ITPR1: variants seen among roughly 807,000 people sequenced by gnomAD.
ITPR1 encodes the protein inositol 1,4,5-trisphosphate-gated calcium channel ITPR1.
Under a neutral mutation model 318.4 loss-of-function variants are expected in ITPR1, and 96 were observed. The observed-to-expected ratio is 0.30, with a 90% CI of 0.26 to 0.36. ITPR1 has a LOEUF of 0.36. ITPR1 is among the 10% of genes least tolerant of loss of function. The probability of loss-of-function intolerance (pLI) is 1.00; values close to 1 mark genes in which losing one functional copy is unlikely to be tolerated. For missense variants in ITPR1, 2,440 were observed against 3,460.2 expected (o/e 0.71, Z 7.40); for synonymous variants, 1,312 against 1,289.9 (o/e 1.02, Z -0.37).
intron 4 of ITPR1, among the ~76,000 whole-genome samples, chr3:4,621,339 G>T (rs1256861385): frequency 1.3e-5 from 2 of 152,048 alleles, no homozygotes; most frequent in Non-Finnish European, 2.9e-5. Context: ...ATCAAGGTGG[G>T]AGGTGCCACA....
intron 4 of ITPR1, among the ~76,000 whole-genome samples, chr3:4,558,969 T>A (rs1333580966): frequency 1.3e-5 from 2 of 152,236 alleles, no homozygotes; most frequent in East Asian, 3.9e-4. Context: ...AAACTAACAA[T>A]TCCTTATTAC....
At chr3:4,585,722 C>T (rs1174449296) in intron 4 of ITPR1, among the ~76,000 whole-genome samples, 1 of 152,146 alleles carries the variant, frequency 6.6e-6, no homozygotes, top group East Asian at 1.9e-4. Flanking sequence ...CAGGCATGAG[C>T]CACCGCACCC....
At chr3:4,501,356 T>C (rs1272492103) in intron 2 of ITPR1, among the ~76,000 whole-genome samples, 1 of 152,232 alleles carries the variant, frequency 6.6e-6, no homozygotes, top group Non-Finnish European at 1.5e-5. Context: ...TACTACATCT[T>C]TGCCACTCCA....
At chr3:4,806,345 C>A in intron 55 of ITPR1, 78 bp downstream of exon 55, 1 of 1,378,850 alleles carries the variant, frequency 7.3e-7, no homozygotes, top group South Asian at 1.2e-5. Flanking sequence ...CATCACAGAC[C>A]CTTCCTTTTA....
At chr3:4,614,791 AG>A (rs1381511222) in intron 4 of ITPR1, among the ~76,000 whole-genome samples, 1 of 152,184 alleles carries the variant, frequency 6.6e-6, no homozygotes, top group African/African-American at 2.4e-5. Context: ...TCACCCAGGG[AG>A]GGGAGGAAAC....
intron 1 of ITPR1, among the ~76,000 whole-genome samples, chr3:4,494,022 C>T (rs1487541972): frequency 6.6e-6 from 1 of 152,020 alleles, no homozygotes; most frequent in Non-Finnish European, 1.5e-5. Flanking sequence ...AGGGGCCCCC[C>T]GTGGGGAGGG....
chr3:4,514,141 T>G (rs2082026052), intron 2 of ITPR1, among the ~76,000 whole-genome samples: 1 of 151,844 alleles, frequency 6.6e-6, no homozygotes, highest in African/African-American at 2.4e-5. Context: ...GTCCTCCTGC[T>G]TACTAATTTT....
chr3:4,680,660 C>T lies in ITPR1; in HGVS notation c.3075C>T (p.Asn1025=). The change falls in exon 25 of 62, where the codon AAC becomes AAT. Residue 1025 remains asparagine, a synonymous_variant. Coordinates refer to ENST00000649015, the MANE Select transcript of ITPR1 (RefSeq NM_001378452.1). ...AGACTTCAGAAACATCCTCCGGAAA[C>T]AGCAGCCAAGAAGGGCCAAGTAATG... The part of the protein sequence containing the change: ...NSQTSETSSG[N]SSQEGPSNVP... 6.2e-7 allele frequency: 1 copy of T among 1,613,520 alleles called. No homozygotes were observed. The highest frequency in any genetic ancestry group is 8.5e-7 in the Non-Finnish European group (1 of 1,179,622).
intron 55 of ITPR1, among the ~76,000 whole-genome samples, chr3:4,807,530 G>A (rs1159481651): frequency 4.6e-5 from 7 of 152,134 alleles, no homozygotes; most frequent in Non-Finnish European, 1.0e-4. Flanking sequence ...TCTTAGAATA[G>A]CACTGCCGAA....
At chr3:4,563,806 A>C (rs2086928471) in intron 4 of ITPR1, among the ~76,000 whole-genome samples, 1 of 152,158 alleles carries the variant, frequency 6.6e-6, no homozygotes, top group Non-Finnish European at 1.5e-5. Context: ...TTGTTTATTA[A>C]ACAAAACTAA....
chr3:4,812,497 A>C (rs898131179), intron 56 of ITPR1, among the ~76,000 whole-genome samples: 4 of 152,148 alleles, frequency 2.6e-5, no homozygotes, highest in African/African-American at 9.7e-5. Context: ...AACAGAAGAG[A>C]TTTCCAATTC....
Position 4,795,110 on chromosome 3 carries a change from G to A in ITPR1, c.6854G>A (p.Ser2285Asn), listed in dbSNP as rs1157145936. The part of the protein sequence containing the change: ...YWCARNMSFW[S>N]SISFNLAVLM... Reference sequence around the variant, plus strand: ...TGTGCCCGCAACATGTCTTTCTGGAGCAGCATTTCGTTTAACCTGGCCGTC... The same window carrying A: ...TGTGCCCGCAACATGTCTTTCTGGAACAGCATTTCGTTTAACCTGGCCGTC... The change falls in exon 53 of 62, where the codon AGC becomes AAC. Residue 2285 changes from serine to asparagine, a missense_variant. By Grantham distance (46) the Ser-to-Asn change is conservative. This residue lies in a region of ITPR1 where 115 missense variants were observed against 204.5 expected (regional missense o/e 0.56). Transcript: ENST00000649015. 1.9e-6 allele frequency: 3 copies of A among 1,613,890 alleles called. No homozygotes were observed. The highest frequency in any genetic ancestry group is 1.7e-5 in the Admixed American group (1 of 60,008).
At chr3:4,650,485 G>T (rs1268919783) in intron 10 of ITPR1, among the ~76,000 whole-genome samples, 1 of 151,962 alleles carries the variant, frequency 6.6e-6, no homozygotes, top group African/African-American at 2.4e-5. Flanking sequence ...ATTATTCGAT[G>T]GGTTAAAAAA....
intron 10 of ITPR1, 57 bp from the exon 11 acceptor site, chr3:4,652,066 T>A (rs755456504): frequency 7.7e-7 from 1 of 1,302,020 alleles, no homozygotes; most frequent in East Asian, 2.4e-5. Context: ...ACCTCCGATT[T>A]AATGTCTTCC....
chr3:4,824,056 TA>T (rs2049904044), intron 60 of ITPR1, among the ~76,000 whole-genome samples: 1 of 152,218 alleles, frequency 6.6e-6, no homozygotes, highest in Non-Finnish European at 1.5e-5. Flanking sequence ...AAGGTCCCGA[TA>T]CCTTGGTCTA....
intron 5 of ITPR1, among the ~76,000 whole-genome samples, chr3:4,637,267 A>G (rs1377342931): frequency 5.3e-5 from 8 of 152,346 alleles, no homozygotes; most frequent in Admixed American, 2.0e-4. Context: ...AGAACTCTTA[A>G]GCAGAAAGAA....
At chr3:4,783,772 G>T in intron 50 of ITPR1, 44 bp from the exon 51 acceptor site, 1 of 1,403,800 alleles carries the variant, frequency 7.1e-7, no homozygotes, top group Non-Finnish European at 9.9e-7. Context: ...TGTTCCTGTT[G>T]TGAAGAGACA....
At chr3:4,524,349 C>T (rs304023) in intron 4 of ITPR1, among the ~76,000 whole-genome samples, 82,404 of 133,752 alleles carry the variant, frequency 0.62, 24,483 homozygotes, top group South Asian at 0.82. Flanking sequence ...AAAGATCTCT[C>T]TTTTGGAAGC....
intron 55 of ITPR1, among the ~76,000 whole-genome samples, chr3:4,807,841 C>T (rs1465676774): frequency 1.3e-5 from 2 of 152,184 alleles, no homozygotes; most frequent in Non-Finnish European, 2.9e-5. Flanking sequence ...TGTCTCATGC[C>T]ATCATGTCCC....
Sources: gnomAD v4.1 joint callset for allele counts (sites outside exome capture counted in the v4.1 genomes callset) on GRCh38, gnomAD v4.1.1 for gene constraint, gnomAD v4.1.1 regional missense constraint, MANE v1.5 for transcripts, NCBI Gene and HGNC (gene_info 2026-07-23, HGNC 2026-07-21) for gene names.